The following MSI2 variants were observed in gnomAD, a reference collection of about 807,000 sequenced individuals.
MSI2 encodes musashi RNA binding protein 2, also known as RNA-binding protein Musashi homolog 2.
MSI2 carries 17 observed loss-of-function variants against 45.6 expected under a neutral mutation model. That is an observed-to-expected ratio of 0.37 (90% CI 0.26 to 0.56). The LOEUF (loss-of-function observed/expected upper bound fraction) is 0.56. Ranked by LOEUF, MSI2 falls within the 20% of genes least tolerant of loss-of-function variation. The probability of loss-of-function intolerance (pLI) is 0.77; values close to 1 mark genes in which losing one functional copy is unlikely to be tolerated. For missense variants in MSI2, 293 were observed against 444.2 expected (o/e 0.66, Z 3.06); for synonymous variants, 156 against 158.2 (o/e 0.99, Z 0.11).
chr17:57,536,971 ATGG>A (rs1048226823), intron 7 of MSI2, among the ~76,000 whole-genome samples: 12 of 152,206 alleles, frequency 7.9e-5, no homozygotes, highest in African/African-American at 2.9e-4. Flanking sequence ...CTGGGAGAGA[ATGG>A]TGAGAATGGG....
At chr17:57,591,458 C>T (rs1904815661) in intron 7 of MSI2, among the ~76,000 whole-genome samples, 1 of 152,176 alleles carries the variant, frequency 6.6e-6, no homozygotes. Context: ...TGTGGTGGCT[C>T]ATGCCTGTAA....
intron 7 of MSI2, among the ~76,000 whole-genome samples, chr17:57,545,712 G>A (rs1249490428): frequency 6.6e-6 from 1 of 152,182 alleles, no homozygotes; most frequent in Non-Finnish European, 1.5e-5. Context: ...CCATAATGGA[G>A]CTCGTTAACC....
chr17:57,530,156 G>C (rs1179930312), intron 7 of MSI2, among the ~76,000 whole-genome samples: 5 of 152,192 alleles, frequency 3.3e-5, no homozygotes, highest in Admixed American at 6.5e-5. Context: ...AAACATTGTA[G>C]GTTCGTTGGG....
the MSI2 span, among the ~76,000 whole-genome samples, chr17:57,699,785 C>G: frequency 6.6e-6 from 1 of 152,210 alleles, no homozygotes; most frequent in African/African-American, 2.4e-5. Context: ...CAAGGAGCAC[C>G]CCCCACGGAA....
At chr17:57,257,838 G>GT (rs200658768) in intron 3 of MSI2, among the ~76,000 whole-genome samples, 13,272 of 148,046 alleles carry the variant, frequency 0.09, 622 homozygotes, top group Middle Eastern at 0.13. Context: ...CTTTCGCATA[G>GT]TTTTTTTTTT....
At chr17:57,554,129 C>T (rs2087373209) in intron 7 of MSI2, among the ~76,000 whole-genome samples, 1 of 151,522 alleles carries the variant, frequency 6.6e-6, no homozygotes, top group Admixed American at 6.6e-5. Context: ...GATGTACTAG[C>T]TTGGAAAGGC....
intron 7 of MSI2, among the ~76,000 whole-genome samples, chr17:57,582,827 A>G (rs1271112011): frequency 1.3e-5 from 2 of 152,218 alleles, no homozygotes; most frequent in South Asian, 2.1e-4. Flanking sequence ...TTTTTTTTCA[A>G]ATGAATCTTT....
At chr17:57,267,557 A>T (rs1907917583) in intron 5 of MSI2, 1 of 151,864 alleles carries the variant, frequency 6.6e-6, no homozygotes, top group Non-Finnish European at 1.5e-5. Flanking sequence ...GGCAGCGTCC[A>T]TTCTTTGTGT....
intron 5 of MSI2, among the ~76,000 whole-genome samples, chr17:57,344,796 G>C (rs1361959768): frequency 6.6e-6 from 1 of 152,180 alleles, no homozygotes; most frequent in Non-Finnish European, 1.5e-5. Context: ...AGCCAGAGTG[G>C]CTTGCCCATT....
chr17:57,548,898 T>TCCCCTC (rs2087234297), intron 7 of MSI2, among the ~76,000 whole-genome samples: 2 of 121,300 alleles, frequency 1.6e-5, no homozygotes, highest in Non-Finnish European at 1.7e-5. Context: ...TGTTTACCCT[T>TCCCCTC]CCCCCCCCCA....
intron 5 of MSI2, among the ~76,000 whole-genome samples, chr17:57,319,757 C>T (rs775883965): frequency 2.0e-5 from 3 of 152,174 alleles, no homozygotes; most frequent in Non-Finnish European, 2.9e-5. Context: ...GGACCATAGG[C>T]ACATGCCATC....
chr17:57,336,651 C>A (rs1181032392), intron 5 of MSI2, among the ~76,000 whole-genome samples: 1 of 152,120 alleles, frequency 6.6e-6, no homozygotes, highest in East Asian at 1.9e-4. Context: ...GATGGCATTT[C>A]ATTCTTGAAA....
intron 6 of MSI2, among the ~76,000 whole-genome samples, chr17:57,497,707 C>T (rs1274823854): frequency 6.6e-6 from 1 of 152,168 alleles, no homozygotes; most frequent in Non-Finnish European, 1.5e-5. Context: ...CCCAAGACAA[C>T]TGAAACATGC....
At chr17:57,503,286 T>C (rs934347851) in intron 6 of MSI2, among the ~76,000 whole-genome samples, 1 of 152,244 alleles carries the variant, frequency 6.6e-6, no homozygotes, top group Non-Finnish European at 1.5e-5. Context: ...GGCAAATTAC[T>C]TTAATAAGTG....
intron 7 of MSI2, among the ~76,000 whole-genome samples, chr17:57,575,517 CTTTG>C (rs1567910336): frequency 6.6e-6 from 1 of 152,154 alleles, no homozygotes; most frequent in Non-Finnish European, 1.5e-5. Flanking sequence ...AGGCAGATGG[CTTTG>C]TTTGGCCAGG....
chr17:57,698,824 G>A, the MSI2 span, among the ~76,000 whole-genome samples: 2 of 151,670 alleles, frequency 1.3e-5, no homozygotes, highest in Admixed American at 6.6e-5. Flanking sequence ...CAGCAGCATA[G>A]TTCCTCTCCT....
chr17:57,459,528 GT>G (rs2085182549), intron 6 of MSI2, among the ~76,000 whole-genome samples: 4 of 152,320 alleles, frequency 2.6e-5, no homozygotes, highest in South Asian at 4.1e-4. Flanking sequence ...AGGAAGACTT[GT>G]TAGATGGGAA....
At chr17:57,430,009 A>G (rs1414551420) in intron 6 of MSI2, among the ~76,000 whole-genome samples, 1 of 152,246 alleles carries the variant, frequency 6.6e-6, no homozygotes, top group African/African-American at 2.4e-5. Context: ...CTTAAGGGAA[A>G]CAGATGCATG....
At chr17:57,470,127 T>G (rs2085405675) in intron 6 of MSI2, among the ~76,000 whole-genome samples, 2 of 152,064 alleles carry the variant, frequency 1.3e-5, no homozygotes, top group Admixed American at 1.3e-4. Flanking sequence ...GCAGTTCCCC[T>G]CTTCTAGCCC....
Sources: allele counts gnomAD v4.1 joint callset (sites outside exome capture counted in the v4.1 genomes callset), GRCh38; gene constraint gnomAD v4.1.1; transcripts MANE v1.5; gene names NCBI Gene and HGNC (gene_info 2026-07-23, HGNC 2026-07-21).